SF3A3: variants seen among roughly 807,000 people sequenced by gnomAD.
SF3A3 encodes splicing factor 3a subunit 3.
A neutral mutation model predicts 85.8 loss-of-function variants in SF3A3; 9 were observed. The ratio of observed to expected loss-of-function variants is 0.10; its 90% CI spans 0.06 to 0.18. The LOEUF is 0.18. SF3A3 is among the 10% of genes least tolerant of loss of function. The pLI, the probability that SF3A3 is intolerant of heterozygous loss-of-function variation, is 1.00. For missense variants in SF3A3, 306 were observed against 593.3 expected (o/e 0.52, Z 5.03); for synonymous variants, 195 against 204.4 (o/e 0.95, Z 0.39).
chr1:37,959,349 G>A (rs142917244), intron 16 of SF3A3, among the ~76,000 whole-genome samples: 1 of 152,068 alleles, frequency 6.6e-6, no homozygotes, highest in Non-Finnish European at 1.5e-5. Flanking sequence ...AAAGTGCTGG[G>A]ATTATGGGCA....
At chr1:37,977,069 T>C (rs1478442499) in intron 11 of SF3A3, 116 bp from the exon 12 acceptor site, 1 of 737,966 alleles carries the variant, frequency 1.4e-6, no homozygotes, top group Non-Finnish European at 2.4e-6. Flanking sequence ...ACATGAGAAA[T>C]ACGATGCTAT....
chr1:37,987,803 A>C lies in SF3A3; in HGVS notation c.178T>G (p.Leu60Val), dbSNP rs1337659540. 1.2e-6 allele frequency: 2 copies of C among 1,613,514 alleles called. No homozygotes were observed. The part of the protein sequence containing the change: ...YMEVSGNLRD[L>V]YDDKDGLRKE... ...ACTTACCCATCCTTATCATCATACAAATCCCTCAGGTTCCCACTGACCTCC... is the reference window on the plus strand; with the variant it reads ...ACTTACCCATCCTTATCATCATACACATCCCTCAGGTTCCCACTGACCTCC... Residue 60 changes from leucine (L) to valine (V), a missense_variant, in exon 3 of 17, where the codon TTG becomes GTG. This residue lies in a region of SF3A3 where 152 missense variants were observed against 192.0 expected (regional missense o/e 0.79). Transcript: ENST00000373019.
In SF3A3 at chr1:37,959,933, G is replaced by A. The variant is rs745338822; in HGVS notation, c.1428+187C>T. ...ACATTGCACCACTGCACTCCAGCCC[G>A]GGCAACAGTACGAGACTCCGTGTCA... On this transcript the variant is annotated intron_variant, in intron 16 of 16. Transcript: ENST00000373019. 1.1e-3 allele frequency among the ~76,000 whole-genome samples: 158 copies of A among 139,384 alleles called. 1 individual carries two copies. Among genetic ancestry groups the A allele is most frequent in the Non-Finnish European group, 1.9e-3 (123 of 66,296 alleles). 91.4% of individuals were successfully genotyped at this position (139,384 alleles called of 152,430 possible).
intron 12 of SF3A3, among the ~76,000 whole-genome samples, chr1:37,975,932 G>A (rs1281188358): frequency 6.6e-6 from 1 of 152,162 alleles, no homozygotes; most frequent in African/African-American, 2.4e-5. Context: ...CGAGGCAAGC[G>A]GATCACGAGG....
intron 6 of SF3A3, 45 bp downstream of exon 6, chr1:37,984,124 C>G: frequency 9.4e-7 from 1 of 1,064,844 alleles, no homozygotes; most frequent in Non-Finnish European, 1.4e-6. Flanking sequence ...ACTGTCCTGA[C>G]TCACTTCGAG....
chr1:37,976,358 T>C (rs554795169), intron 12 of SF3A3, among the ~76,000 whole-genome samples: 1 of 152,286 alleles, frequency 6.6e-6, no homozygotes, highest in East Asian at 1.9e-4. Flanking sequence ...GGCCTTTCTC[T>C]ACCCCAACCC....
chr1:37,967,750 C>T (rs191943239), intron 15 of SF3A3, among the ~76,000 whole-genome samples: 2 of 145,788 alleles, frequency 1.4e-5, no homozygotes, highest in Admixed American at 1.4e-4. Flanking sequence ...GTCCCAGCTA[C>T]TCGGTAGGCT....
At chr1:37,983,593 A>AAAAAAAAAAAAAAAC (rs1646435584) in intron 6 of SF3A3, among the ~76,000 whole-genome samples, 1 of 147,008 alleles carries the variant, frequency 6.8e-6, no homozygotes, top group Non-Finnish European at 1.5e-5. Context: ...TCTCAAAAAA[A>AAAAAAAAAAAAAAAC]AAAAAAAAAA....
intron 12 of SF3A3, among the ~76,000 whole-genome samples, chr1:37,972,900 G>A (rs1646353077): frequency 6.6e-6 from 1 of 152,200 alleles, no homozygotes; most frequent in Admixed American, 6.5e-5. Flanking sequence ...TTAAATGTGG[G>A]CCGGGTGCGG....
chr1:37,960,200 A>G, intron 15 of SF3A3, 25 bp from the exon 16 acceptor site: 1 of 1,609,898 alleles, frequency 6.2e-7, no homozygotes, highest in South Asian at 1.1e-5. Context: ...ATGAACAGCA[A>G]TCAGGATGGA....
At chr1:37,961,759 C>CAAAAAAA (rs10699691) in intron 15 of SF3A3, among the ~76,000 whole-genome samples, 1,107 of 37,688 alleles carry the variant, frequency 0.029, 94 homozygotes, top group Middle Eastern at 0.05. Context: ...GCAAGACTGC[C>CAAAAAAA]AAAAAAAAAA....
chr1:37,982,573 T>C (rs899513173), intron 6 of SF3A3, among the ~76,000 whole-genome samples: 1 of 152,010 alleles, frequency 6.6e-6, no homozygotes, highest in African/African-American at 2.4e-5. Flanking sequence ...GGTTTCTGCA[T>C]GTTGGTCAGG....
chr1:37,966,106 G>C (rs1646298029), intron 15 of SF3A3, among the ~76,000 whole-genome samples: 1 of 152,074 alleles, frequency 6.6e-6, no homozygotes, highest in Non-Finnish European at 1.5e-5. Flanking sequence ...GGGAGGCTGA[G>C]GCAGGAGAAT....
At chr1:37,976,639 T>C (rs935113700) in intron 12 of SF3A3, among the ~76,000 whole-genome samples, 1 of 152,136 alleles carries the variant, frequency 6.6e-6, no homozygotes, top group African/African-American at 2.4e-5. Context: ...GGACATTATA[T>C]TGTGAGGGGA....
chr1:37,981,943 G>C (rs7533079), intron 6 of SF3A3, 132 bp from the exon 7 acceptor site: 2 of 570,316 alleles, frequency 3.5e-6, no homozygotes, highest in South Asian at 2.4e-5. Flanking sequence ...GCTAATTTTG[G>C]TTTTTTTTGC....
intron 2 of SF3A3, among the ~76,000 whole-genome samples, chr1:37,989,072 AC>A (rs1213212195): frequency 2.0e-5 from 3 of 151,988 alleles, no homozygotes; most frequent in Non-Finnish European, 4.4e-5. Context: ...TAGGTGGATC[AC>A]GAGGTCAGGA....
rs1646388749 is a variant in SF3A3, at chr1:37,977,734, G to A, written c.936-781C>T. Among the ~76,000 whole-genome samples, 5 of 152,202 alleles carry A rather than the reference G, an allele frequency of 3.3e-5. No individual in the cohort carries two copies. In the South Asian group the frequency reaches 1.0e-3, roughly 32 times the overall value. ...CACTCTGGTAATCTCAGCTACTCGG[G>A]AGAGTGAGGCAGGAAAATCGCTTCA... On this transcript the variant is annotated intron_variant, in intron 11 of 16. Transcript: ENST00000373019.
intron 12 of SF3A3, among the ~76,000 whole-genome samples, chr1:37,970,359 C>G (rs61776713): frequency 0.11 from 16,986 of 150,630 alleles, 1,298 homozygotes; most frequent in East Asian, 0.26. Context: ...ATTCATAAAG[C>G]AAGTCCTCAG....
At chr1:37,985,423 A>T (rs912315962) in intron 4 of SF3A3, among the ~76,000 whole-genome samples, 2 of 151,238 alleles carry the variant, frequency 1.3e-5, no homozygotes, top group Admixed American at 6.6e-5. Context: ...TTTTTTTTTT[A>T]AATCCTGATG....
Sources: gnomAD v4.1 joint callset for allele counts (sites outside exome capture counted in the v4.1 genomes callset) on GRCh38, gnomAD v4.1.1 for gene constraint, gnomAD v4.1.1 regional missense constraint, MANE v1.5 for transcripts, NCBI Gene and HGNC (gene_info 2026-07-23, HGNC 2026-07-21) for gene names.